The following CREB5 variants were observed in gnomAD, a reference collection of about 807,000 sequenced individuals.
CREB5 encodes cAMP responsive element binding protein 5, also known as cyclic AMP-responsive element-binding protein 5.
In CREB5, 19 loss-of-function variants were observed where a neutral mutation model predicts 57.1. The ratio of observed to expected loss-of-function variants is 0.33; its 90% confidence interval spans 0.23 to 0.49. The LOEUF is 0.49. CREB5 is among the 20% of genes least tolerant of loss of function. CREB5 has a pLI of 0.99. For missense variants in CREB5, 579 were observed against 671.6 expected, an observed-to-expected ratio of 0.86 and a Z score of 1.52; for synonymous variants, 238 against 238.3, an observed-to-expected ratio of 1.00 and a Z score of 0.01.
intron 1 of CREB5, among the ~76,000 whole-genome samples, chr7:28,376,827 A>G (rs1482616079): frequency 6.6e-6 from 1 of 152,192 alleles, no homozygotes; most frequent in Non-Finnish European, 1.5e-5. Context: ...GCTGGGGCAA[A>G]TTGGCTCTGT....
At chr7:28,588,295 T>C (rs1397208504) in intron 5 of CREB5, among the ~76,000 whole-genome samples, 1 of 152,234 alleles carries the variant, frequency 6.6e-6, no homozygotes, top group Non-Finnish European at 1.5e-5. Flanking sequence ...CTGCTGTTCA[T>C]GGTACTTACT....
chr7:28,579,088 G>A (rs769946602), intron 5 of CREB5, among the ~76,000 whole-genome samples: 34 of 152,194 alleles, frequency 2.2e-4, no homozygotes, highest in Non-Finnish European at 4.1e-4. Flanking sequence ...TCTAGACTTT[G>A]AACAGGCTTC....
At chr7:28,698,166 A>G (rs904379381) in intron 5 of CREB5, among the ~76,000 whole-genome samples, 33 of 152,182 alleles carry the variant, frequency 2.2e-4, no homozygotes, top group African/African-American at 7.2e-4. Context: ...AAACCTCAAA[A>G]TGTTTGAAAA....
chr7:28,391,788 C>A (rs1465221417), intron 1 of CREB5, among the ~76,000 whole-genome samples: 2 of 152,206 alleles, frequency 1.3e-5, no homozygotes, highest in African/African-American at 4.8e-5. Context: ...TTATCCACCC[C>A]CAGTGTTCCT....
intron 7 of CREB5, among the ~76,000 whole-genome samples, chr7:28,734,246 C>G (rs1159433402): frequency 1.6e-5 from 2 of 126,926 alleles, no homozygotes; most frequent in East Asian, 2.4e-4. Context: ...ACAAAAAAAA[C>G]AGGTTAATGG....
intron 5 of CREB5, among the ~76,000 whole-genome samples, chr7:28,593,892 A>C (rs182307378): frequency 6.6e-6 from 1 of 152,304 alleles, no homozygotes. Context: ...GAGTAAAACT[A>C]TAGGAAGAAA....
chr7:28,743,701 TG>T (rs1204568488), intron 7 of CREB5, among the ~76,000 whole-genome samples: 1 of 152,068 alleles, frequency 6.6e-6, no homozygotes, highest in Non-Finnish European at 1.5e-5. Flanking sequence ...AAGGTGTCAG[TG>T]GGGTGATTCC....
chr7:28,555,053 G>T (rs774824411), intron 4 of CREB5, among the ~76,000 whole-genome samples: 4 of 151,596 alleles, frequency 2.6e-5, no homozygotes, highest in Non-Finnish European at 5.9e-5. Context: ...TGTTCAGCTG[G>T]TGGTAGGACT....
chr7:28,731,280 A>G (rs765770750), intron 7 of CREB5, among the ~76,000 whole-genome samples: 1 of 152,212 alleles, frequency 6.6e-6, no homozygotes, highest in Non-Finnish European at 1.5e-5. Flanking sequence ...TAAAATGTAA[A>G]TGATTAGATT....
At chr7:28,454,354 T>C (rs1274946785) in intron 1 of CREB5, among the ~76,000 whole-genome samples, 1 of 152,160 alleles carries the variant, frequency 6.6e-6, no homozygotes, top group African/African-American at 2.4e-5. Context: ...GTAGGTAAAA[T>C]GGCCCAGCTG....
chr7:28,531,283 G>A (rs1793717871), intron 4 of CREB5, among the ~76,000 whole-genome samples: 3 of 152,130 alleles, frequency 2.0e-5, no homozygotes, highest in Admixed American at 1.3e-4. Context: ...GATGCTTGAA[G>A]TCCGAGATCA....
intron 1 of CREB5, among the ~76,000 whole-genome samples, chr7:28,397,738 C>T (rs202128726): frequency 2.6e-5 from 4 of 152,158 alleles, no homozygotes; most frequent in East Asian, 3.9e-4. Flanking sequence ...AACACCTAAA[C>T]GTGATGACTA....
intron 5 of CREB5, among the ~76,000 whole-genome samples, chr7:28,605,095 C>G (rs1051366398): frequency 6.6e-6 from 1 of 151,940 alleles, no homozygotes; most frequent in Admixed American, 6.6e-5. Context: ...CATGAAGGAA[C>G]AAGAGCCTAA....
At chr7:28,783,440 C>T (rs1261753635) in intron 7 of CREB5, among the ~76,000 whole-genome samples, 2 of 152,078 alleles carry the variant, frequency 1.3e-5, no homozygotes, top group Non-Finnish European at 1.5e-5. Flanking sequence ...ATTTGACTTC[C>T]TTCACATTTG....
chr7:28,811,066 G>A (rs1809089336), intron 9 of CREB5, among the ~76,000 whole-genome samples: 1 of 152,154 alleles, frequency 6.6e-6, no homozygotes, highest in African/African-American at 2.4e-5. Flanking sequence ...GATTGGGACT[G>A]TCTCTTACTA....
At chr7:28,677,119 G>A (rs560001209) in intron 5 of CREB5, among the ~76,000 whole-genome samples, 5 of 152,104 alleles carry the variant, frequency 3.3e-5, no homozygotes, top group Non-Finnish European at 5.9e-5. Context: ...AGAGGGGAAA[G>A]GAAATCACAG....
intron 5 of CREB5, among the ~76,000 whole-genome samples, chr7:28,716,580 G>A (rs1055712558): frequency 3.3e-5 from 5 of 152,134 alleles, no homozygotes; most frequent in African/African-American, 9.7e-5. Context: ...GAGGTAGGGA[G>A]TTCGGATTAT....
intron 5 of CREB5, among the ~76,000 whole-genome samples, chr7:28,635,064 G>T (rs1024182166): frequency 3.9e-5 from 6 of 152,086 alleles, no homozygotes; most frequent in Non-Finnish European, 7.4e-5. Context: ...TTTATTCCAG[G>T]GACTTTTTTA....
chr7:28,674,964 G>A (rs1800245930), intron 5 of CREB5, among the ~76,000 whole-genome samples: 1 of 152,006 alleles, frequency 6.6e-6, no homozygotes, highest in Non-Finnish European at 1.5e-5. Context: ...TTCCCTCCAA[G>A]GTCTTCTTTC....
Sources: allele counts gnomAD v4.1 joint callset (sites outside exome capture counted in the v4.1 genomes callset), GRCh38; gene constraint gnomAD v4.1.1; transcripts MANE v1.5; gene names NCBI Gene and HGNC (gene_info 2026-07-23, HGNC 2026-07-21).